MAP4: variants seen among roughly 807,000 people sequenced by gnomAD.
MAP4 encodes the protein microtubule-associated protein 4.
In MAP4, 76 loss-of-function variants were observed where a neutral mutation model predicts 170.2. That is an observed-to-expected ratio of 0.45 (90% confidence interval 0.37 to 0.54). MAP4 has a LOEUF of 0.54. Among genes scored for constraint, MAP4 ranks in the 20% least tolerant of loss-of-function variants. The probability of loss-of-function intolerance (pLI) is 0.00; values close to 1 mark genes in which losing one functional copy is unlikely to be tolerated. For missense variants in MAP4, 2,506 were observed against 2,748.0 expected, an observed-to-expected ratio of 0.91 and a Z score of 1.97; for synonymous variants, 909 against 994.5, an observed-to-expected ratio of 0.91 and a Z score of 1.62.
intron 1 of MAP4, among the ~76,000 whole-genome samples, chr3:48,078,311 ATTTTTTTTT>A (rs758589017): frequency 1.6e-5 from 2 of 125,240 alleles, no homozygotes; most frequent in African/African-American, 6.0e-5. Flanking sequence ...TGCCTGGCTA[ATTTTTTTTT>A]TTTTTTTTTT....
chr3:48,043,283 T>C (rs1163531141), intron 1 of MAP4, among the ~76,000 whole-genome samples: 1 of 152,114 alleles, frequency 6.6e-6, no homozygotes, highest in Non-Finnish European at 1.5e-5. Flanking sequence ...GTATGTTTAG[T>C]AGAGACGGGG....
intron 1 of MAP4, among the ~76,000 whole-genome samples, chr3:48,086,750 A>C (rs2100149258): frequency 1.3e-5 from 2 of 152,220 alleles, no homozygotes; most frequent in African/African-American, 2.4e-5. Context: ...AGCCCAGAAC[A>C]ATGGAGGTGT....
intron 3 of MAP4, among the ~76,000 whole-genome samples, chr3:47,962,143 T>G (rs1219241022): frequency 6.6e-6 from 1 of 152,220 alleles, no homozygotes; most frequent in Admixed American, 6.5e-5. Flanking sequence ...TGCCTCTTAA[T>G]TAGCATGTAA....
At chr3:47,900,395 C>T (rs549132618) in intron 10 of MAP4, among the ~76,000 whole-genome samples, 55 of 152,032 alleles carry the variant, frequency 3.6e-4, no homozygotes, top group African/African-American at 1.3e-3. Flanking sequence ...TAAGCTGAGG[C>T]GAATAATCTG....
intron 3 of MAP4, chr3:47,931,762 T>C (rs1186026733): frequency 6.6e-6 from 1 of 150,778 alleles, no homozygotes; most frequent in Admixed American, 6.7e-5. Flanking sequence ...CCTCAAGTCC[T>C]AGGATTACAG....
intron 5 of MAP4, among the ~76,000 whole-genome samples, chr3:47,920,391 G>A (rs1221650377): frequency 6.6e-6 from 1 of 152,026 alleles, no homozygotes; most frequent in African/African-American, 2.4e-5. Flanking sequence ...ACAGGCATGA[G>A]CCATTAGGCC....
intron 1 of MAP4, 60 bp from the exon 2 acceptor site, chr3:47,998,939 A>C (rs142273668): frequency 2.1e-6 from 2 of 939,480 alleles, no homozygotes; most frequent in Non-Finnish European, 3.4e-6. Flanking sequence ...AAACATTTCT[A>C]GAAACTCTTG....
rs1304778502 is a variant in MAP4 at position 47,910,071 on chromosome 3, T to C, written c.4350A>G (p.Val1450=). The C allele has an allele frequency of 6.2e-7, 1 of 1,614,026 alleles. No homozygotes were observed. Among genetic ancestry groups the C allele is most frequent in the Non-Finnish European group, 8.5e-7 (1 of 1,179,888 alleles). The change falls in exon 9 of 21, where the codon GTA becomes GTG. Residue 1450 remains valine (V), a synonymous_variant. Coordinates refer to ENST00000683076, the MANE Select transcript of MAP4 (RefSeq NM_001385682.1). ...CTGGAAAGGAATCACCTTCCTTTACTACTTGAGGAGTAGGAGTGGGCAGTT... is the reference window on the plus strand; with the variant it reads ...CTGGAAAGGAATCACCTTCCTTTACCACTTGAGGAGTAGGAGTGGGCAGTT... ...CEKLPTPTPQ[V]VKEGDSFPDT... is the part of the protein sequence containing the mutation.
chr3:48,020,541 C>T (rs2100110036), upstream of MAP4, among the ~76,000 whole-genome samples: 1 of 151,944 alleles, frequency 6.6e-6, no homozygotes, highest in Non-Finnish European at 1.5e-5. Flanking sequence ...GTAGTCGTGG[C>T]AAAGGCCTTA....
intron 1 of MAP4, among the ~76,000 whole-genome samples, chr3:48,053,563 A>C (rs1195910690): frequency 1.3e-5 from 2 of 152,226 alleles, no homozygotes; most frequent in Non-Finnish European, 2.9e-5. Flanking sequence ...TAAAATCTAA[A>C]TACCTACCCA....
At chr3:47,918,196 C>G (rs189440702) in intron 6 of MAP4, among the ~76,000 whole-genome samples, 42 of 152,158 alleles carry the variant, frequency 2.8e-4, no homozygotes, top group African/African-American at 1.0e-3. Flanking sequence ...GTTGGCCAGG[C>G]TGGTCTCGAA....
chr3:48,002,954 AAAATAAATAAATAAAT>A (rs55814118), intron 1 of MAP4, among the ~76,000 whole-genome samples: 2 of 144,686 alleles, frequency 1.4e-5, no homozygotes, highest in South Asian at 2.2e-4. Context: ...ATTAAGGCCA[AAAATAAATAAATAAAT>A]AAATAAATAA....
intron 1 of MAP4, among the ~76,000 whole-genome samples, chr3:48,027,210 T>C (rs2100113562): frequency 6.6e-6 from 1 of 152,200 alleles, no homozygotes; most frequent in South Asian, 2.1e-4. Flanking sequence ...TGTATGAACA[T>C]GTAAAATAAA....
At chr3:47,941,609 C>T (rs2100056468) in intron 3 of MAP4, among the ~76,000 whole-genome samples, 3 of 148,680 alleles carry the variant, frequency 2.0e-5, no homozygotes, top group South Asian at 2.1e-4. Context: ...AACACAGTCT[C>T]TACTAAAAAA....
At chr3:48,087,765 A>G (rs2100150057) in intron 1 of MAP4, among the ~76,000 whole-genome samples, 1 of 150,990 alleles carries the variant, frequency 6.6e-6, no homozygotes, top group Admixed American at 6.7e-5. Context: ...ACACACACAC[A>G]CACACACACA....
chr3:48,002,412 AT>A (rs1559771351), intron 1 of MAP4, among the ~76,000 whole-genome samples: 2 of 152,034 alleles, frequency 1.3e-5, no homozygotes, highest in African/African-American at 2.4e-5. Context: ...CTAAAAAAAA[AT>A]TAGCTGGGTA....
chr3:47,979,869 G>C, intron 2 of MAP4, among the ~76,000 whole-genome samples: 1 of 152,088 alleles, frequency 6.6e-6, no homozygotes, highest in East Asian at 1.9e-4. Context: ...CTGTCACTCA[G>C]GCTGGAGTGC....
intron 6 of MAP4, 109 bp from the exon 7 acceptor site, chr3:47,917,283 C>T (rs2100040201): frequency 9.5e-6 from 8 of 844,690 alleles, no homozygotes; most frequent in Non-Finnish European, 1.9e-6. Context: ...TAAGACTGTA[C>T]ACATAACTAA....
At chr3:47,934,096 A>C (rs1432031884) in intron 3 of MAP4, among the ~76,000 whole-genome samples, 4 of 152,208 alleles carry the variant, frequency 2.6e-5, no homozygotes, top group African/African-American at 4.8e-5. Context: ...AAGAAATCTC[A>C]AGGCTGACCG....
Sources: allele counts gnomAD v4.1 joint callset (sites outside exome capture counted in the v4.1 genomes callset), GRCh38; gene constraint gnomAD v4.1.1; transcripts MANE v1.5; gene names NCBI Gene and HGNC (gene_info 2026-07-23, HGNC 2026-07-21).